Variants in MEPE observed in about 807,000 individuals in gnomAD.
The protein encoded by MEPE is matrix extracellular phosphoglycoprotein, also known as matrix, extracellular phosphoglycoprotein with ASARM motif (bone).
MEPE carries 7 observed loss-of-function variants against 7.3 expected under a neutral mutation model. The observed-to-expected ratio is 0.95, with a 90% CI of 0.54 to 1.79. MEPE has a LOEUF of 1.79. Among genes scored for constraint, MEPE ranks in the 40% most tolerant of loss-of-function variants. MEPE has a pLI of 0.00. For synonymous variants in MEPE, 214 were observed against 213.1 expected, an observed-to-expected ratio of 1.00 and a Z score of -0.04; for missense variants, 623 against 628.2, an observed-to-expected ratio of 0.99 and a Z score of 0.09.
In MEPE at chr4:87,846,640, A is replaced by G. The variant is rs1723283481; in HGVS notation, c.*194A>G. 1 of 535,356 alleles carries G rather than the reference A, an allele frequency of 1.9e-6. No homozygotes were observed. The highest frequency in any genetic ancestry group is 1.9e-5 in the African/African-American group (1 of 52,412). 33.2% of individuals were successfully genotyped at this position (535,356 alleles called of 1,614,324 possible). ...ACAGTATAAAATTCTATTAAAGGCT[A>G]TAATGTTTTTAAGCAAAAAAAAATC... On this transcript the variant is annotated 3_prime_UTR_variant, in exon 4 of 4. Transcript: ENST00000361056.
intron 1 of MEPE, among the ~76,000 whole-genome samples, chr4:87,823,893 C>G (rs1012218392): frequency 6.6e-6 from 1 of 152,156 alleles, no homozygotes; most frequent in Non-Finnish European, 1.5e-5. Flanking sequence ...TACAGTGTAG[C>G]AAATATTTTC....
At chr4:87,835,032 G>A (rs7675128) in intron 2 of MEPE, among the ~76,000 whole-genome samples, 10,351 of 152,150 alleles carry the variant, frequency 0.068, 1,185 homozygotes, top group African/African-American at 0.24. Flanking sequence ...AGAGGCAGCC[G>A]CAGCATTTCA....
At position 87,846,148 on chromosome 4, in the gene MEPE, T is replaced by C; in HGVS notation, c.1280T>C (p.Phe427Ser). The part of the protein sequence containing the change: ...NQATLNEKQR[F>S]PSKGKSQGLP... ...GCAACCTTAAATGAAAAACAAAGGT[T>C]TCCTAGTAAGGGCAAAAGTCAGGGC... Residue 427 changes from phenylalanine (F) to serine (S), a missense_variant, in exon 4 of 4, where the codon TTT becomes TCT. Transcript: ENST00000361056. 4 of 1,614,018 alleles carry C rather than the reference T, an allele frequency of 2.5e-6. No individual in the cohort carries two copies. Among genetic ancestry groups the C allele is most frequent in the Non-Finnish European group, 3.4e-6 (4 of 1,179,972 alleles).
rs1165223887 is a variant in MEPE at position 87,846,683 on chromosome 4, T to C, written c.*237T>C. The C allele has an allele frequency of 6.7e-6, 3 of 446,224 alleles. No homozygotes were observed. The highest frequency in any genetic ancestry group is 1.2e-5 in the Non-Finnish European group (3 of 254,362). 27.6% of individuals were successfully genotyped at this position (446,224 alleles called of 1,614,324 possible). ...AAAAAATCATTACAGATCTATGAAA[T>C]AGGTAACATTTGAGTAGGTGTCATT... On this transcript the variant is annotated 3_prime_UTR_variant, in exon 4 of 4. Transcript: ENST00000361056.
chr4:87,843,968 G>A lies in MEPE; in HGVS notation c.109-1009G>A, dbSNP rs150046011. 7.9e-4 allele frequency among the ~76,000 whole-genome samples: 121 copies of A among 152,204 alleles called. No individual in the cohort carries two copies. In the East Asian group the frequency reaches 0.012, roughly 15 times the overall value. Reference sequence around the variant, plus strand: ...TGCTTCATTCTAAAATGAAGTTGTCGGCTACCATAGCTTAGGATTCACTTA... The same window carrying A: ...TGCTTCATTCTAAAATGAAGTTGTCAGCTACCATAGCTTAGGATTCACTTA... On this transcript the variant is annotated intron_variant, in intron 3 of 3. Coordinates refer to ENST00000361056, the MANE Select transcript of MEPE (RefSeq NM_020203.6).
At chr4:87,836,921 T>C (rs575880542) in intron 2 of MEPE, among the ~76,000 whole-genome samples, 19 of 152,330 alleles carry the variant, frequency 1.2e-4, no homozygotes, top group Admixed American at 5.2e-4. Flanking sequence ...TAAAGAGTCC[T>C]ATAAATAGAA....
chr4:87,838,825 T>A (rs1487760748), intron 3 of MEPE, 140 bp downstream of exon 3: 1 of 641,536 alleles, frequency 1.6e-6, no homozygotes, highest in African/African-American at 1.8e-5. Context: ...GTTGGCACTT[T>A]CTAGTCAATC....
chr4:87,835,043 A>G (rs548236629), intron 2 of MEPE, among the ~76,000 whole-genome samples: 1 of 152,334 alleles, frequency 6.6e-6, no homozygotes, highest in African/African-American at 2.4e-5. Context: ...CAGCATTTCA[A>G]ATCAGCTGAT....
intron 1 of MEPE, among the ~76,000 whole-genome samples, chr4:87,833,805 T>C (rs1377304806): frequency 1.3e-5 from 2 of 152,196 alleles, no homozygotes; most frequent in East Asian, 3.8e-4. Context: ...ATTTTGAACA[T>C]CATTTTGTTG....
chr4:87,826,745 G>A (rs1331318079), intron 1 of MEPE, among the ~76,000 whole-genome samples: 2 of 152,094 alleles, frequency 1.3e-5, no homozygotes, highest in Non-Finnish European at 2.9e-5. Flanking sequence ...GATCAGTGGG[G>A]ATGTTGAGCT....
rs745341843 is a variant in MEPE, at chr4:87,840,073, G to A, written c.108+1388G>A. Reference sequence around the variant, plus strand: ...ACCTCAGGTGCCCATGGACTGCTGTGTTACTGCTTCTGAGTAACATTTGGT... The same window carrying A: ...ACCTCAGGTGCCCATGGACTGCTGTATTACTGCTTCTGAGTAACATTTGGT... On this transcript the variant is annotated intron_variant, in intron 3 of 3. Coordinates refer to ENST00000361056, the MANE Select transcript of MEPE (RefSeq NM_020203.6). The A allele has an allele frequency of 1.2e-5, 18 of 1,532,044 alleles. 1 individual carries two copies. In the South Asian group the frequency reaches 2.2e-4, roughly 18 times the overall value. 94.9% of individuals were successfully genotyped at this position (1,532,044 alleles called of 1,614,324 possible). A position where few individuals can be genotyped will look rare whatever the true frequency, so the allele number is the denominator to read the frequency against.
chr4:87,826,391 T>G (rs1267651440), intron 1 of MEPE, among the ~76,000 whole-genome samples: 5 of 150,740 alleles, frequency 3.3e-5, no homozygotes, highest in Non-Finnish European at 7.4e-5. Flanking sequence ...TTTTTTTTTT[T>G]GTTTTTGTTT....
chr4:87,829,190 C>A (rs985069111), upstream of MEPE, among the ~76,000 whole-genome samples: 1 of 152,118 alleles, frequency 6.6e-6, no homozygotes, highest in African/African-American at 2.4e-5. Flanking sequence ...TTCTCTGCAA[C>A]CTTCTAGCCA....
upstream of MEPE, among the ~76,000 whole-genome samples, chr4:87,832,357 A>G (rs569288823): frequency 6.6e-5 from 10 of 152,240 alleles, no homozygotes; most frequent in East Asian, 1.9e-3. Flanking sequence ...CTTCCTATCT[A>G]AAATTTCAAC....
rs138969403 is a variant in MEPE at position 87,836,407 on chromosome 4, A to T, written c.54+1639A>T. Among the ~76,000 whole-genome samples the T allele has an allele frequency of 9.0e-3, 1,332 of 147,528 alleles. 14 individuals are homozygous for T. Among genetic ancestry groups the T allele is most frequent in the Non-Finnish European group, 0.013 (865 of 66,132 alleles). ...CTCTATATTGTCAAGTATGTTTCTA[A>T]TCCATATGTGTGTGTGTGTGTGTGT... On this transcript the variant is annotated intron_variant, in intron 2 of 3. Transcript: ENST00000361056.
upstream of MEPE, among the ~76,000 whole-genome samples, chr4:87,830,804 C>A (rs904367258): frequency 7.2e-6 from 1 of 138,706 alleles, no homozygotes; most frequent in African/African-American, 2.7e-5. Context: ...AAAAGAGGAA[C>A]AGCAGAATTT....
chr4:87,835,283 C>T (rs568893183), intron 2 of MEPE, among the ~76,000 whole-genome samples: 8 of 152,290 alleles, frequency 5.3e-5, no homozygotes, highest in East Asian at 1.9e-4. Context: ...AGAGGTGGGA[C>T]GTAGTACCTC....
Position 87,845,816 on chromosome 4 carries a change from C to G in MEPE, c.948C>G (p.Thr316=). The change falls in exon 4 of 4, where the codon ACC becomes ACG. Residue 316 remains threonine, a synonymous_variant. Coordinates refer to ENST00000361056, the MANE Select transcript of MEPE (RefSeq NM_020203.6). ...AGAGAGAAGAAAATGGTGGAAATAC[C>G]ATTGGAACTAGGGATGAAACTGCGA... The part of the protein sequence containing the change: ...IPEREENGGN[T]IGTRDETAKE... 1 of 1,613,858 alleles carries G rather than the reference C, an allele frequency of 6.2e-7. No homozygotes were observed. The highest frequency in any genetic ancestry group is 1.1e-5 in the South Asian group (1 of 91,050).
At chr4:87,836,556 A>G (rs1355454443) in intron 2 of MEPE, among the ~76,000 whole-genome samples, 1 of 152,020 alleles carries the variant, frequency 6.6e-6, no homozygotes, top group Non-Finnish European at 1.5e-5. Flanking sequence ...CCCTGGTTTT[A>G]TATTTTTGAA....
Sources: gnomAD v4.1 joint callset for allele counts (sites outside exome capture counted in the v4.1 genomes callset) on GRCh38, gnomAD v4.1.1 for gene constraint, MANE v1.5 for transcripts, NCBI Gene and HGNC (gene_info 2026-07-23, HGNC 2026-07-21) for gene names.